PTPRD: variants seen among roughly 807,000 people sequenced by gnomAD.
PTPRD encodes receptor-type tyrosine-protein phosphatase delta.
Under a neutral mutation model 214.5 loss-of-function variants are expected in PTPRD, and 34 were observed. The ratio of observed to expected loss-of-function variants is 0.16; its 90% CI spans 0.12 to 0.21. The LOEUF is 0.21. PTPRD is among the 10% of genes least tolerant of loss of function. The pLI, the probability that PTPRD is intolerant of heterozygous loss-of-function variation, is 1.00. For missense variants in PTPRD, 2,545 were observed against 2,398.7 expected, an observed-to-expected ratio of 1.06 and a Z score of -1.27; for synonymous variants, 1,128 against 845.7, an observed-to-expected ratio of 1.33 and a Z score of -5.79.
chr9:9,645,477 A>T (rs577999712), intron 7 of PTPRD, among the ~76,000 whole-genome samples: 3,666 of 147,588 alleles, frequency 0.025, 171 homozygotes, highest in African/African-American at 0.087. Context: ...ATATATATAT[A>T]TATTTTCTAT....
intron 2 of PTPRD, among the ~76,000 whole-genome samples, chr9:10,399,696 G>C (rs1476149868): frequency 6.6e-6 from 1 of 151,896 alleles, no homozygotes; most frequent in Non-Finnish European, 1.5e-5. Context: ...ATCTGAACTA[G>C]TTTTAAAAAC....
At chr9:10,478,904 T>A (rs1385098945) in intron 2 of PTPRD, among the ~76,000 whole-genome samples, 2 of 151,904 alleles carry the variant, frequency 1.3e-5, no homozygotes, top group African/African-American at 4.8e-5. Context: ...GAAATGAAAT[T>A]TCAAACCTAA....
At chr9:9,496,033 A>C (rs1372349120) in intron 8 of PTPRD, among the ~76,000 whole-genome samples, 1 of 152,094 alleles carries the variant, frequency 6.6e-6, no homozygotes, top group African/African-American at 2.4e-5. Flanking sequence ...TTGCTCACTC[A>C]CATGCTCCCT....
chr9:8,670,702 T>C (rs1407174022), intron 12 of PTPRD, among the ~76,000 whole-genome samples: 1 of 152,132 alleles, frequency 6.6e-6, no homozygotes, highest in African/African-American at 2.4e-5. Context: ...AAAGAAAGGA[T>C]GACAAAAAGA....
intron 14 of PTPRD, among the ~76,000 whole-genome samples, chr9:8,613,738 A>G (rs1300088634): frequency 6.6e-6 from 1 of 152,154 alleles, no homozygotes; most frequent in Non-Finnish European, 1.5e-5. Flanking sequence ...ACACAAAATG[A>G]GTCTAATCCC....
Position 9,182,050 on chromosome 9 carries a change from C to A in PTPRD, c.-143+1254G>T, listed in dbSNP as rs544013699. On this transcript the variant is annotated intron_variant, in intron 10 of 45. Transcript: ENST00000381196. ...TCAAAAGAATAACACATCAATTTGA[C>A]TGGGGGTATCCAAGAAAGCTTTTTG... 1.6e-4 allele frequency among the ~76,000 whole-genome samples: 24 copies of A among 152,128 alleles called. No individual in the cohort carries two copies. The Middle Eastern group carries it at 0.02, about 129-fold the overall frequency.
At chr9:9,180,549 T>C (rs1371773500) in intron 10 of PTPRD, among the ~76,000 whole-genome samples, 3 of 151,756 alleles carry the variant, frequency 2.0e-5, no homozygotes, top group Non-Finnish European at 4.4e-5. Context: ...TATACATATG[T>C]AACAAACCTG....
At chr9:10,135,571 T>C (rs1240349142) in intron 3 of PTPRD, among the ~76,000 whole-genome samples, 1 of 152,136 alleles carries the variant, frequency 6.6e-6, no homozygotes, top group Non-Finnish European at 1.5e-5. Context: ...TGGGGGTCTA[T>C]ATTTAGCATC....
intron 5 of PTPRD, among the ~76,000 whole-genome samples, chr9:9,816,872 G>C (rs2048946356): frequency 8.5e-6 from 1 of 117,284 alleles, no homozygotes; most frequent in Non-Finnish European, 1.7e-5. Flanking sequence ...ATTACACTAA[G>C]GTGAGAACAA....
At chr9:8,848,504 A>AT (rs34149878) in intron 11 of PTPRD, among the ~76,000 whole-genome samples, 153 of 125,018 alleles carry the variant, frequency 1.2e-3, no homozygotes, top group East Asian at 4.2e-3. Context: ...TCTGGCAAAT[A>AT]TTTTTTTTTT....
At chr9:9,328,913 C>A (rs1314491333) in intron 9 of PTPRD, among the ~76,000 whole-genome samples, 2 of 151,956 alleles carry the variant, frequency 1.3e-5, no homozygotes, top group Non-Finnish European at 2.9e-5. Flanking sequence ...AAAGGGATTA[C>A]AGGAGTGAGC....
intron 6 of PTPRD, among the ~76,000 whole-genome samples, chr9:9,737,276 G>A (rs1400247349): frequency 6.6e-6 from 1 of 152,066 alleles, no homozygotes; most frequent in African/African-American, 2.4e-5. Flanking sequence ...TACACAATAT[G>A]CCTAATAATA....
intron 35 of PTPRD, among the ~76,000 whole-genome samples, chr9:8,420,160 G>A (rs757166676): frequency 6.6e-6 from 1 of 152,010 alleles, no homozygotes; most frequent in East Asian, 1.9e-4. Context: ...GTTAAGTTTG[G>A]ATAAAAACAC....
At chr9:8,918,279 G>A (rs1437612919) in intron 11 of PTPRD, among the ~76,000 whole-genome samples, 1 of 152,144 alleles carries the variant, frequency 6.6e-6, no homozygotes, top group Non-Finnish European at 1.5e-5. Context: ...TAGAGAGAAA[G>A]CAGATCCTCT....
chr9:8,361,059 T>C (rs1470720607), intron 39 of PTPRD, among the ~76,000 whole-genome samples: 2 of 152,200 alleles, frequency 1.3e-5, no homozygotes, highest in Non-Finnish European at 2.9e-5. Flanking sequence ...TCATACTTCT[T>C]ATAACCCAGA....
chr9:10,580,052 T>A (rs925051775), intron 2 of PTPRD, among the ~76,000 whole-genome samples: 3 of 152,226 alleles, frequency 2.0e-5, no homozygotes, highest in Non-Finnish European at 4.4e-5. Context: ...ATTAGAGGGT[T>A]AACTCTTTGT....
intron 3 of PTPRD, among the ~76,000 whole-genome samples, chr9:10,339,196 C>T (rs1597462393): frequency 6.6e-6 from 1 of 151,704 alleles, no homozygotes; most frequent in African/African-American, 2.4e-5. Flanking sequence ...GGTCATCTAA[C>T]ATTAGGGCAG....
chr9:9,789,867 CTT>C (rs2098955206), intron 5 of PTPRD, among the ~76,000 whole-genome samples: 1 of 139,804 alleles, frequency 7.2e-6, no homozygotes, highest in Admixed American at 7.1e-5. Flanking sequence ...GCAAATCAAA[CTT>C]AAGGTAAACA....
intron 3 of PTPRD, among the ~76,000 whole-genome samples, chr9:10,286,992 G>C (rs1183579148): frequency 6.6e-6 from 1 of 152,154 alleles, no homozygotes; most frequent in Non-Finnish European, 1.5e-5. Context: ...TAGCGAACTT[G>C]AAAATGCAAA....
Sources: allele counts gnomAD v4.1 joint callset (sites outside exome capture counted in the v4.1 genomes callset), GRCh38; gene constraint gnomAD v4.1.1; transcripts MANE v1.5; gene names NCBI Gene and HGNC (gene_info 2026-07-23, HGNC 2026-07-21).